The following ALK variants were observed in gnomAD, a reference collection of about 807,000 sequenced individuals.
ALK encodes the protein ALK tyrosine kinase receptor.
ALK carries 74 observed loss-of-function variants against 163.1 expected under a neutral mutation model. That is an observed-to-expected ratio of 0.45 (90% CI 0.38 to 0.55). The LOEUF (loss-of-function observed/expected upper bound fraction) is 0.55, where lower values mean the gene tolerates loss of function less well. Among genes scored for constraint, ALK ranks in the 20% least tolerant of loss-of-function variants. The pLI is 0.00. For synonymous variants in ALK, 960 were observed against 843.2 expected, an observed-to-expected ratio of 1.14 and a Z score of -2.40; for missense variants, 2,063 against 2,105.3, an observed-to-expected ratio of 0.98 and a Z score of 0.39.
At chr2:29,446,601 C>T (rs7600762) in intron 4 of ALK, among the ~76,000 whole-genome samples, 3,135 of 152,220 alleles carry the variant, frequency 0.021, 97 homozygotes, top group African/African-American at 0.07. Flanking sequence ...TTGGCTCTTC[C>T]GCCACCACTG....
intron 1 of ALK, among the ~76,000 whole-genome samples, chr2:29,815,269 C>T (rs1018003992): frequency 5.3e-5 from 8 of 151,340 alleles, no homozygotes; most frequent in Non-Finnish European, 7.4e-5. Flanking sequence ...GGACAGCAGT[C>T]GAAGTTTGGA....
chr2:29,473,191 T>A (rs568513918), intron 4 of ALK, among the ~76,000 whole-genome samples: 9 of 152,318 alleles, frequency 5.9e-5, no homozygotes, highest in African/African-American at 2.2e-4. Context: ...CTTCTCTGAA[T>A]GAAGTCCAGG....
chr2:29,498,828 G>A (rs1017158560), intron 4 of ALK, among the ~76,000 whole-genome samples: 12 of 152,192 alleles, frequency 7.9e-5, no homozygotes, highest in Non-Finnish European at 1.3e-4. Flanking sequence ...CACTAGTGAG[G>A]AGAGTGTGGA....
At chr2:29,517,177 TG>T (rs1225246667) in intron 4 of ALK, among the ~76,000 whole-genome samples, 4 of 152,150 alleles carry the variant, frequency 2.6e-5, no homozygotes, top group African/African-American at 7.2e-5. Flanking sequence ...TCCATGGGAC[TG>T]GGGCTGTCAC....
chr2:29,372,892 G>A (rs943451377), intron 5 of ALK, among the ~76,000 whole-genome samples: 1 of 152,344 alleles, frequency 6.6e-6, no homozygotes, highest in African/African-American at 2.4e-5. Flanking sequence ...CGGAGATGGT[G>A]TGGGACAGGT....
intron 1 of ALK, among the ~76,000 whole-genome samples, chr2:29,827,532 T>C (rs1466574846): frequency 6.6e-6 from 1 of 152,202 alleles, no homozygotes; most frequent in African/African-American, 2.4e-5. Flanking sequence ...CCAATCTGTT[T>C]AGTGAGCTTT....
intron 4 of ALK, among the ~76,000 whole-genome samples, chr2:29,394,087 C>A (rs1195647498): frequency 6.6e-6 from 1 of 152,126 alleles, no homozygotes; most frequent in Admixed American, 6.6e-5. Context: ...ACAGACCACA[C>A]CACACTAATT....
intron 1 of ALK, among the ~76,000 whole-genome samples, chr2:29,778,353 A>G (rs75798563): frequency 0.012 from 1,806 of 152,312 alleles, 23 homozygotes; most frequent in South Asian, 0.068. Flanking sequence ...CAAATAAAGA[A>G]TGCCTATGTG....
intron 4 of ALK, among the ~76,000 whole-genome samples, chr2:29,527,810 G>T (rs990168411): frequency 6.6e-6 from 1 of 152,172 alleles, no homozygotes; most frequent in African/African-American, 2.4e-5. Flanking sequence ...CCATTGTGCC[G>T]GGTCTGAGCC....
intron 1 of ALK, among the ~76,000 whole-genome samples, chr2:29,797,926 A>G (rs376707451): frequency 5.3e-5 from 8 of 152,184 alleles, no homozygotes; most frequent in African/African-American, 1.9e-4. Context: ...ACCAGAAAAG[A>G]TGAAAAGGAG....
At chr2:29,511,714 T>A (rs976450337) in intron 4 of ALK, among the ~76,000 whole-genome samples, 14 of 152,182 alleles carry the variant, frequency 9.2e-5, no homozygotes, top group African/African-American at 3.1e-4. Context: ...AAAGAAATGT[T>A]CCAATTGTTT....
At chr2:29,216,301 GAGCA>G (rs1319319842) in intron 23 of ALK, among the ~76,000 whole-genome samples, 1 of 152,080 alleles carries the variant, frequency 6.6e-6, no homozygotes, top group African/African-American at 2.4e-5. Flanking sequence ...TGCTCTTCAG[GAGCA>G]TGCTCTCTGT....
Position 29,226,922 on chromosome 2 carries a change from C to T in ALK, c.3067G>A (p.Val1023Met), listed in dbSNP as rs756986057. ...VLAEDGVSCIVSPTPEPHLPL... is the reference protein window; with the variant it reads ...VLAEDGVSCIMSPTPEPHLPL... The stretch of plus-strand genomic sequence containing the variant: ...GCCTCCCCTGGCCCTGCCCCCTTAC[C>T]AATGCAGGAGACGCCATCCTCAGCC... The change falls in exon 18 of 29, where the codon GTG (valine) becomes ATG (methionine). Residue 1023 changes from valine to methionine, a missense_variant and splice_region_variant. Physicochemically the swap from Val to Met is conservative, Grantham distance 21. Transcript: ENST00000389048. The T allele has an allele frequency of 5.6e-6, 9 of 1,614,100 alleles. No homozygotes were observed. The highest frequency in any genetic ancestry group is 7.6e-6 in the Non-Finnish European group (9 of 1,180,030).
chr2:29,431,352 A>G (rs935061941), intron 4 of ALK, among the ~76,000 whole-genome samples: 1 of 152,212 alleles, frequency 6.6e-6, no homozygotes, highest in East Asian at 1.9e-4. Flanking sequence ...AAGACAGAAC[A>G]TTCAGGCTAA....
chr2:29,443,543 T>C (rs145677116), intron 4 of ALK, among the ~76,000 whole-genome samples: 60 of 152,316 alleles, frequency 3.9e-4, no homozygotes, highest in African/African-American at 1.4e-3. Context: ...TGGGTTTTTC[T>C]CCTTACAGCC....
chr2:29,749,090 C>T (rs2148329726), intron 1 of ALK, among the ~76,000 whole-genome samples: 1 of 152,262 alleles, frequency 6.6e-6, no homozygotes, highest in Non-Finnish European at 1.5e-5. Flanking sequence ...TACCTGACAT[C>T]CACGCCTCCT....
At chr2:29,505,597 G>A (rs1207826570) in intron 4 of ALK, among the ~76,000 whole-genome samples, 3 of 151,824 alleles carry the variant, frequency 2.0e-5, no homozygotes, top group African/African-American at 7.3e-5. Flanking sequence ...GAGGTTGAAA[G>A]GACCCTGAAA....
intron 3 of ALK, among the ~76,000 whole-genome samples, chr2:29,613,041 C>A (rs1475436154): frequency 6.6e-6 from 1 of 152,190 alleles, no homozygotes; most frequent in African/African-American, 2.4e-5. Context: ...CAATATCAAA[C>A]ATGAGTTTTG....
intron 1 of ALK, among the ~76,000 whole-genome samples, chr2:29,811,090 G>A (rs1309165756): frequency 6.6e-6 from 1 of 152,060 alleles, no homozygotes; most frequent in African/African-American, 2.4e-5. Context: ...AACCCAAGCA[G>A]ACTACTGCAG....
Sources: allele counts gnomAD v4.1 joint callset (sites outside exome capture counted in the v4.1 genomes callset), GRCh38; gene constraint gnomAD v4.1.1; transcripts MANE v1.5; gene names NCBI Gene and HGNC (gene_info 2026-07-23, HGNC 2026-07-21).